LPAR1: variants seen among roughly 807,000 people sequenced by gnomAD.
LPAR1 encodes LPA receptor 1.
A neutral mutation model predicts 23.8 loss-of-function variants in LPAR1; 5 were observed. The ratio of observed to expected loss-of-function variants is 0.21; its 90% CI spans 0.11 to 0.44. The LOEUF (loss-of-function observed/expected upper bound fraction) is 0.44, where lower values mean the gene tolerates loss of function less well. Ranked by LOEUF, LPAR1 falls within the 20% of genes least tolerant of loss-of-function variation. The pLI, the probability that LPAR1 is intolerant of heterozygous loss-of-function variation, is 0.99. For missense variants in LPAR1, 311 were observed against 482.8 expected, an observed-to-expected ratio of 0.64 and a Z score of 3.33; for synonymous variants, 160 against 164.7, an observed-to-expected ratio of 0.97 and a Z score of 0.22.
intron 5 of LPAR1, among the ~76,000 whole-genome samples, chr9:110,916,590 C>G (rs536869553): frequency 2.6e-5 from 1 of 38,682 alleles, no homozygotes; most frequent in Non-Finnish European, 4.8e-5. Flanking sequence ...TCAGACCCTC[C>G]GTAGGAAGAC....
At chr9:111,012,602 C>A (rs771652727) in intron 2 of LPAR1, among the ~76,000 whole-genome samples, 3 of 152,044 alleles carry the variant, frequency 2.0e-5, no homozygotes, top group Non-Finnish European at 4.4e-5. Flanking sequence ...TCACATCTTT[C>A]AGTTCCAGTC....
At chr9:110,970,289 C>T (rs16915602) in intron 4 of LPAR1, among the ~76,000 whole-genome samples, 14,949 of 152,204 alleles carry the variant, frequency 0.098, 912 homozygotes, top group Non-Finnish European at 0.15. Flanking sequence ...AGAGTCATTA[C>T]ATGGGAACAG....
At position 110,941,865 on chromosome 9, in the gene LPAR1, T is replaced by A. The variant is rs777412064; in HGVS notation, c.349A>T (p.Thr117Ser). 3.7e-6 allele frequency: 6 copies of A among 1,614,100 alleles called. No homozygotes were observed. In the African/African-American group the frequency reaches 8.0e-5, roughly 22 times the overall value. ...FNTGPNTRRL[T>S]VSTWLLRQGL... ...TGACGAAGGAGCCATGTGCTAACAGTCAGTCTCCGAGTATTGGGTCCTGTG... is the reference window on the plus strand; with the variant it reads ...TGACGAAGGAGCCATGTGCTAACAGACAGTCTCCGAGTATTGGGTCCTGTG... Residue 117 changes from threonine to serine, a missense_variant, in exon 5 of 6, where the codon ACT becomes TCT. Thr to Ser is a moderately conservative substitution (Grantham distance 58). This residue lies in a region of LPAR1 where 250 missense variants were observed against 427.2 expected (regional missense o/e 0.59). Coordinates refer to ENST00000683809, the MANE Select transcript of LPAR1 (RefSeq NM_001351411.2). This position sits in a 1 kb window ranked among gnomAD's most constrained non-coding sequence, Gnocchi z 6.1.
chr9:110,898,366 T>C (rs1588196970), intron 5 of LPAR1, among the ~76,000 whole-genome samples: 1 of 152,212 alleles, frequency 6.6e-6, no homozygotes, highest in African/African-American at 2.4e-5. Flanking sequence ...GTAAAAACTT[T>C]TTTATGTAGA....
chr9:110,913,671 G>C (rs930436006), intron 5 of LPAR1, among the ~76,000 whole-genome samples: 1 of 152,074 alleles, frequency 6.6e-6, no homozygotes, highest in African/African-American at 2.4e-5. Context: ...CATTCTGAAT[G>C]GAACAAACCA....
At chr9:110,883,584 A>G (rs1238141242) in intron 5 of LPAR1, among the ~76,000 whole-genome samples, 6 of 152,246 alleles carry the variant, frequency 3.9e-5, no homozygotes. Flanking sequence ...ATGTGACTAG[A>G]TATCATAAAT....
chr9:110,887,261 CA>C (rs1275155645), intron 5 of LPAR1, among the ~76,000 whole-genome samples: 1 of 151,682 alleles, frequency 6.6e-6, no homozygotes, highest in Non-Finnish European at 1.5e-5. Flanking sequence ...TTCTTACTAT[CA>C]AAATGGGGAA....
intron 2 of LPAR1, among the ~76,000 whole-genome samples, chr9:111,001,316 C>A (rs766334398): frequency 5.5e-4 from 84 of 152,000 alleles, no homozygotes; most frequent in Non-Finnish European, 1.0e-3. Flanking sequence ...TGCTAAGGAC[C>A]AAAATAGCCA....
At chr9:110,912,084 G>T (rs1008916679) in intron 5 of LPAR1, among the ~76,000 whole-genome samples, 1 of 152,226 alleles carries the variant, frequency 6.6e-6, no homozygotes, top group African/African-American at 2.4e-5. Context: ...ACTGAGGGCT[G>T]TGGGAGGGAG....
At chr9:110,957,595 T>G (rs2095807119) in intron 4 of LPAR1, among the ~76,000 whole-genome samples, 1 of 152,054 alleles carries the variant, frequency 6.6e-6, no homozygotes, top group South Asian at 2.1e-4. Context: ...CTTAACCTAA[T>G]AAAGCCTATA....
At chr9:110,878,357 G>A (rs1434640166) in intron 5 of LPAR1, among the ~76,000 whole-genome samples, 1 of 152,168 alleles carries the variant, frequency 6.6e-6, no homozygotes, top group African/African-American at 2.4e-5. Context: ...GACGAAAATG[G>A]GGGCTGGAAA....
intron 5 of LPAR1, among the ~76,000 whole-genome samples, chr9:110,896,476 T>C (rs2086378368): frequency 6.6e-6 from 1 of 152,242 alleles, no homozygotes; most frequent in South Asian, 2.1e-4. Context: ...CTTAGTCTGA[T>C]TGTTACTGAA....
intron 5 of LPAR1, among the ~76,000 whole-genome samples, chr9:110,926,766 CA>C: frequency 6.6e-6 from 1 of 152,142 alleles, no homozygotes; most frequent in African/African-American, 2.4e-5. Context: ...AGCAAGTGTG[CA>C]AACTCACATG....
chr9:111,013,123 A>G (rs1216944058), intron 2 of LPAR1, among the ~76,000 whole-genome samples: 1 of 152,144 alleles, frequency 6.6e-6, no homozygotes. Flanking sequence ...TAAGGATCAA[A>G]TTTATTTCCT....
At chr9:110,894,701 T>A (rs1168665144) in intron 5 of LPAR1, among the ~76,000 whole-genome samples, 1 of 152,068 alleles carries the variant, frequency 6.6e-6, no homozygotes, top group Non-Finnish European at 1.5e-5. Flanking sequence ...AACTTCAGAG[T>A]CAGTCCTCTT....
chr9:110,888,384 C>T (rs900313001), intron 5 of LPAR1, among the ~76,000 whole-genome samples: 2 of 152,150 alleles, frequency 1.3e-5, no homozygotes, highest in Admixed American at 6.6e-5. Flanking sequence ...TTTATGGATT[C>T]TCCAAACTTC....
chr9:110,982,945 C>A (rs1341806637), intron 2 of LPAR1, among the ~76,000 whole-genome samples: 1 of 150,608 alleles, frequency 6.6e-6, no homozygotes, highest in Non-Finnish European at 1.5e-5. Context: ...CAGTAAAATG[C>A]AAATGCAAAT....
chr9:110,979,643 T>C (rs982703493), intron 2 of LPAR1, among the ~76,000 whole-genome samples: 3 of 151,998 alleles, frequency 2.0e-5, no homozygotes, highest in Admixed American at 1.3e-4. Context: ...AAGCAAAAGA[T>C]TAGGAATCAG....
At chr9:110,990,453 A>G (rs1409436509) in intron 2 of LPAR1, among the ~76,000 whole-genome samples, 1 of 152,186 alleles carries the variant, frequency 6.6e-6, no homozygotes, top group East Asian at 1.9e-4. Flanking sequence ...AAATCATCAA[A>G]TGCTGGAAAC....
Sources: gnomAD v4.1 joint callset for allele counts (sites outside exome capture counted in the v4.1 genomes callset) on GRCh38, gnomAD v4.1.1 for gene constraint, gnomAD v4.1.1 regional missense constraint, Gnocchi (gnomAD v3.1) non-coding constraint, MANE v1.5 for transcripts, NCBI Gene and HGNC (gene_info 2026-07-23, HGNC 2026-07-21) for gene names.